CDH13: variants seen among roughly 807,000 people sequenced by gnomAD.
The protein encoded by CDH13 is cadherin 13.
Under a neutral mutation model 63.8 loss-of-function variants are expected in CDH13, and 24 were observed. The ratio of observed to expected loss-of-function variants is 0.38; its 90% CI spans 0.27 to 0.53. The LOEUF (loss-of-function observed/expected upper bound fraction) is 0.53, where lower values mean the gene tolerates loss of function less well. CDH13 is among the 20% of genes least tolerant of loss of function. CDH13 has a pLI of 0.85. For synonymous variants in CDH13, 503 were observed against 355.3 expected, an observed-to-expected ratio of 1.42 and a Z score of -4.67; for missense variants, 1,049 against 903.1, an observed-to-expected ratio of 1.16 and a Z score of -2.07.
At chr16:83,031,280 A>C (rs1385259558) in intron 2 of CDH13, among the ~76,000 whole-genome samples, 1 of 145,868 alleles carries the variant, frequency 6.9e-6, no homozygotes, top group Non-Finnish European at 1.5e-5. Flanking sequence ...GCATGTATAC[A>C]CCATATACAT....
chr16:82,753,041 T>G (rs745677200), intron 1 of CDH13, among the ~76,000 whole-genome samples: 5 of 152,252 alleles, frequency 3.3e-5, no homozygotes, highest in Admixed American at 6.5e-5. Flanking sequence ...CATGAGTGCA[T>G]GTAATGTCTA....
chr16:83,457,100 G>T lies in CDH13; in HGVS notation c.782-29377G>T, dbSNP rs555426703. ...CATCTCAGAGGCGATGGAGGATGGA[G>T]TCCAAGCCAAAACACCTGGGCACCG... On this transcript the variant is annotated intron_variant, in intron 6 of 13. Transcript: ENST00000567109. 8.5e-5 allele frequency among the ~76,000 whole-genome samples: 13 copies of T among 152,308 alleles called. No homozygotes were observed. The South Asian group carries it at 2.1e-3, about 24-fold the overall frequency.
intron 1 of CDH13, among the ~76,000 whole-genome samples, chr16:82,707,811 C>T (rs370166495): frequency 6.6e-6 from 1 of 152,150 alleles, no homozygotes; most frequent in African/African-American, 2.4e-5. Context: ...GTGTGGTATT[C>T]AAGGTTCTTT....
chr16:83,075,212 C>A (rs947448760), intron 3 of CDH13, among the ~76,000 whole-genome samples: 1 of 152,180 alleles, frequency 6.6e-6, no homozygotes, highest in African/African-American at 2.4e-5. Flanking sequence ...CCCTGTCTTA[C>A]TTCCCAACTC....
rs145052562 is a variant in CDH13 at position 82,786,357 on chromosome 16, G to A, written c.46-72005G>A. ...AAATGGACACTATCCCAATGAAAAC[G>A]TGTAAAATCACTTCCAAAAGTGTCT... On this transcript the variant is annotated intron_variant, in intron 1 of 13. Transcript: ENST00000567109. Among the ~76,000 whole-genome samples, 29 of 151,488 alleles carry A rather than the reference G, an allele frequency of 1.9e-4. No homozygotes were observed. In the East Asian group the frequency reaches 4.9e-3, roughly 25 times the overall value.
chr16:83,529,674 A>G (rs951714860), intron 7 of CDH13, among the ~76,000 whole-genome samples: 7 of 152,054 alleles, frequency 4.6e-5, no homozygotes, highest in Non-Finnish European at 1.0e-4. Flanking sequence ...TCTGAGTAAT[A>G]TAAATGGAAA....
At chr16:83,661,284 C>T (rs1335304139) in intron 8 of CDH13, among the ~76,000 whole-genome samples, 2 of 152,178 alleles carry the variant, frequency 1.3e-5, no homozygotes, top group South Asian at 2.1e-4. Flanking sequence ...CCCAGGCATT[C>T]GAGGCCAGCC....
intron 1 of CDH13, among the ~76,000 whole-genome samples, chr16:82,851,018 C>A (rs62035198): frequency 0.15 from 23,106 of 152,118 alleles, 1,957 homozygotes; most frequent in South Asian, 0.21. Flanking sequence ...GGTCTGGAAC[C>A]GAACCTGCAG....
intron 1 of CDH13, among the ~76,000 whole-genome samples, chr16:82,845,888 C>A (rs1279887804): frequency 6.6e-6 from 1 of 152,208 alleles, no homozygotes; most frequent in Non-Finnish European, 1.5e-5. Flanking sequence ...TCTTACAAAA[C>A]TGTATTTTTC....
intron 4 of CDH13, among the ~76,000 whole-genome samples, chr16:83,161,619 A>C (rs188213922): frequency 8.5e-5 from 13 of 152,176 alleles, no homozygotes; most frequent in Admixed American, 8.5e-4. Flanking sequence ...TGTCTTGACA[A>C]ACCACCAACA....
intron 11 of CDH13, among the ~76,000 whole-genome samples, chr16:83,775,804 G>C (rs375598232): frequency 2.8e-4 from 43 of 152,244 alleles, no homozygotes; most frequent in African/African-American, 9.1e-4. Flanking sequence ...ACTGTGCCTT[G>C]GTTTTGATTC....
chr16:83,637,401 G>T (rs1237218187), intron 8 of CDH13, among the ~76,000 whole-genome samples: 1 of 59,418 alleles, frequency 1.7e-5, no homozygotes, highest in Non-Finnish European at 3.3e-5. Flanking sequence ...CAGACAGTGG[G>T]CGCAGGCCAG....
rs547235779 is a variant in CDH13 at position 83,275,003 on chromosome 16, C to T, written c.636+57506C>T. On this transcript the variant is annotated intron_variant, in intron 5 of 13. Coordinates refer to ENST00000567109, the MANE Select transcript of CDH13 (RefSeq NM_001257.5). Reference sequence around the variant, plus strand: ...TTCCAGCCCTGTCTGACCCGGCACTCCCTATAGACACATGCTTTATTTTTA... The same window carrying T: ...TTCCAGCCCTGTCTGACCCGGCACTTCCTATAGACACATGCTTTATTTTTA... Among the ~76,000 whole-genome samples the T allele has an allele frequency of 1.0e-3, 156 of 152,296 alleles. 1 individual carries two copies. Among genetic ancestry groups the T allele is most frequent in the Non-Finnish European group, 3.7e-4 (25 of 68,022 alleles).
chr16:83,334,310 CT>C lies in CDH13; in HGVS notation c.637-10551del, dbSNP rs1459787967. ...CTCTCTCTCTCCCTCTCTCTCCCCC[CT>C]CTCTCCCTATCTCCCTCTCTCCCTT... On this transcript the variant is annotated intron_variant, in intron 5 of 13. Transcript: ENST00000567109. Among the ~76,000 whole-genome samples the C allele has an allele frequency of 2.7e-5, 4 of 150,292 alleles. No individual in the cohort carries two copies. The South Asian group carries it at 6.3e-4, about 24-fold the overall frequency.
In CDH13 at chr16:82,893,317, AAAGGCACTTTTAATATGGCCT is replaced by A. The variant is rs529989576; in HGVS notation, c.157+34848_157+34868del. 2.8e-3 allele frequency among the ~76,000 whole-genome samples: 420 copies of A among 152,412 alleles called. 2 individuals carry two copies. Among genetic ancestry groups the A allele is most frequent in the African/African-American group, 9.7e-3 (404 of 41,604 alleles). On this transcript the variant is annotated intron_variant, in intron 2 of 13. Transcript: ENST00000567109. ...AAATAGGAGAAATCCAAAAATAGAT[AAAGGCACTTTTAATATGGCCT>A]AAGCCATAGCAGGAAGTATTAATAA...
At chr16:83,568,833 C>G (rs1361100289) in intron 7 of CDH13, among the ~76,000 whole-genome samples, 1 of 152,186 alleles carries the variant, frequency 6.6e-6, no homozygotes, top group Non-Finnish European at 1.5e-5. Flanking sequence ...ACTTGCTGTT[C>G]TGTCCTTTGA....
intron 5 of CDH13, among the ~76,000 whole-genome samples, chr16:83,239,306 T>C (rs1429258803): frequency 1.3e-5 from 2 of 152,168 alleles, no homozygotes; most frequent in Admixed American, 6.5e-5. Flanking sequence ...AAGTTAGTGA[T>C]CTACCGCCTG....
At chr16:82,924,437 A>C (rs1408071125) in intron 2 of CDH13, among the ~76,000 whole-genome samples, 1 of 152,128 alleles carries the variant, frequency 6.6e-6, no homozygotes, top group Non-Finnish European at 1.5e-5. Flanking sequence ...TATCAAAACA[A>C]ATATTTATTT....
chr16:83,519,012 C>T (rs2074767339), intron 7 of CDH13, among the ~76,000 whole-genome samples: 1 of 152,118 alleles, frequency 6.6e-6, no homozygotes, highest in South Asian at 2.1e-4. Context: ...GTAACGTAGG[C>T]ACTAGGATTC....
Sources: gnomAD v4.1 joint callset for allele counts (sites outside exome capture counted in the v4.1 genomes callset) on GRCh38, gnomAD v4.1.1 for gene constraint, MANE v1.5 for transcripts, NCBI Gene and HGNC (gene_info 2026-07-23, HGNC 2026-07-21) for gene names.